The following PEAK1 variants were observed in gnomAD, a reference collection of about 807,000 sequenced individuals.
PEAK1 encodes the protein pseudopodium enriched atypical kinase 1, also known as inactive tyrosine-protein kinase PEAK1.
In PEAK1, 54 loss-of-function variants were observed where a neutral mutation model predicts 124.7. That is an observed-to-expected ratio of 0.43 (90% CI 0.35 to 0.54). PEAK1 has a LOEUF of 0.54. Among genes scored for constraint, PEAK1 ranks in the 20% least tolerant of loss-of-function variants. PEAK1 has a pLI of 0.01. For missense variants in PEAK1, 2,046 were observed against 2,134.5 expected (o/e 0.96, Z 0.82); for synonymous variants, 719 against 760.0 (o/e 0.95, Z 0.89).
chr15:77,353,358 G>A (rs573940014), intron 2 of PEAK1, among the ~76,000 whole-genome samples: 14 of 152,256 alleles, frequency 9.2e-5, no homozygotes, highest in African/African-American at 2.4e-4. Context: ...ATACAGCAAC[G>A]TTGCCAGACA....
chr15:77,399,003 A>G (rs986747275), intron 1 of PEAK1, among the ~76,000 whole-genome samples: 25 of 152,278 alleles, frequency 1.6e-4, no homozygotes, highest in African/African-American at 4.8e-4. Context: ...AAGCAATCCC[A>G]TTTACAATAG....
At chr15:77,166,373 G>C (rs1033364577) in intron 7 of PEAK1, among the ~76,000 whole-genome samples, 33 of 152,224 alleles carry the variant, frequency 2.2e-4, no homozygotes, top group Non-Finnish European at 4.3e-4. Context: ...TTATGTGCCT[G>C]TTTTAAGCCA....
chr15:77,332,121 C>T (rs1376106567), intron 2 of PEAK1: 6 of 863,134 alleles, frequency 7.0e-6, no homozygotes, highest in Non-Finnish European at 8.3e-6. Context: ...AAGACTCCAT[C>T]TCAAAAAAAT....
intron 6 of PEAK1, among the ~76,000 whole-genome samples, chr15:77,202,502 A>G (rs12898812): frequency 0.14 from 20,888 of 151,926 alleles, 1,814 homozygotes; most frequent in African/African-American, 0.24. Context: ...GGTGGCTCAC[A>G]CCTCCTGTAA....
At chr15:77,251,298 C>G (rs960396628) in intron 6 of PEAK1, among the ~76,000 whole-genome samples, 1 of 152,180 alleles carries the variant, frequency 6.6e-6, no homozygotes, top group Non-Finnish European at 1.5e-5. Context: ...GCTTTCTACA[C>G]TACTTGAAAT....
At chr15:77,284,071 G>A (rs540099816) in intron 4 of PEAK1, 41 bp from the exon 5 acceptor site, 2 of 977,908 alleles carry the variant, frequency 2.0e-6, no homozygotes, top group Non-Finnish European at 2.4e-6. Context: ...GAGAGTCACA[G>A]AGTCACTTAG....
chr15:77,327,246 C>T (rs1042879532), intron 2 of PEAK1, among the ~76,000 whole-genome samples: 3 of 152,004 alleles, frequency 2.0e-5, no homozygotes, highest in East Asian at 1.9e-4. Flanking sequence ...TTAATAACTA[C>T]GAAATCAAAT....
At chr15:77,308,517 T>C (rs571039920) in intron 2 of PEAK1, among the ~76,000 whole-genome samples, 6 of 152,240 alleles carry the variant, frequency 3.9e-5, no homozygotes, top group African/African-American at 1.4e-4. Context: ...CAGTTATGTA[T>C]GCTTCTCCCA....
At chr15:77,283,520 C>T (rs1412304207) in intron 5 of PEAK1, among the ~76,000 whole-genome samples, 1 of 151,496 alleles carries the variant, frequency 6.6e-6, no homozygotes. Context: ...ATTTTCTTTC[C>T]AATTAAAAAA....
chr15:77,361,975 A>G (rs1156863215), intron 2 of PEAK1, among the ~76,000 whole-genome samples: 2 of 152,184 alleles, frequency 1.3e-5, no homozygotes, highest in African/African-American at 4.8e-5. Flanking sequence ...AAAATAAGCC[A>G]GAAACAAAAA....
intron 2 of PEAK1, chr15:77,337,969 C>T: frequency 2.0e-6 from 2 of 984,300 alleles, no homozygotes; most frequent in Middle Eastern, 5.2e-4. Context: ...GAAGTACCAT[C>T]ATACCACTTT....
Position 77,159,427 on chromosome 15 carries a change from T to C in PEAK1, c.3138-731A>G, listed in dbSNP as rs1340309839. Among the ~76,000 whole-genome samples, 8 of 152,346 alleles carry C rather than the reference T, an allele frequency of 5.3e-5. No individual in the cohort carries two copies. In the South Asian group the frequency reaches 1.0e-3, roughly 20 times the overall value. On this transcript the variant is annotated intron_variant, in intron 7 of 9. Transcript: ENST00000682557. ...TTACCATTGCCTGCTCATATGCTTA[T>C]AGCTACTTCTTCCCATCTTCCCCAC...
At chr15:77,272,224 A>C (rs540746209) in intron 5 of PEAK1, among the ~76,000 whole-genome samples, 1 of 152,288 alleles carries the variant, frequency 6.6e-6, no homozygotes, top group African/African-American at 2.4e-5. Flanking sequence ...GAACAAACCA[A>C]ACCCAAGCCC....
chr15:77,124,587 TTTTCC>T (rs2052212368), intron 9 of PEAK1, among the ~76,000 whole-genome samples: 1 of 152,350 alleles, frequency 6.6e-6, no homozygotes, highest in South Asian at 2.1e-4. Flanking sequence ...CTGCCCCTTC[TTTTCC>T]TTTGCCTTAC....
intron 6 of PEAK1, among the ~76,000 whole-genome samples, chr15:77,238,877 A>G (rs1231741739): frequency 6.6e-6 from 1 of 152,260 alleles, no homozygotes; most frequent in Non-Finnish European, 1.5e-5. Context: ...GAGGCTAGAC[A>G]TAAAGAATCC....
chr15:77,146,335 A>C (rs2054173687), intron 8 of PEAK1, among the ~76,000 whole-genome samples: 2 of 152,234 alleles, frequency 1.3e-5, no homozygotes, highest in Admixed American at 6.5e-5. Context: ...CTTCATGCCA[A>C]ACAATAAAAC....
At chr15:77,397,119 C>G (rs546033422) in intron 1 of PEAK1, among the ~76,000 whole-genome samples, 6 of 152,188 alleles carry the variant, frequency 3.9e-5, no homozygotes, top group African/African-American at 1.2e-4. Context: ...TCTTATCTGA[C>G]CACAATGGGA....
intron 6 of PEAK1, among the ~76,000 whole-genome samples, chr15:77,209,082 G>C (rs1217777885): frequency 6.6e-6 from 1 of 152,048 alleles, no homozygotes. Flanking sequence ...CTGGCATAAT[G>C]GAAAGCCAGG....
intron 1 of PEAK1, among the ~76,000 whole-genome samples, chr15:77,375,356 G>A (rs1015626637): frequency 1.6e-4 from 24 of 152,124 alleles, no homozygotes; most frequent in Non-Finnish European, 2.9e-5. Context: ...CAGCCTCTGT[G>A]CTGGCCACTA....
Sources: gnomAD v4.1 joint callset for allele counts (sites outside exome capture counted in the v4.1 genomes callset) on GRCh38, gnomAD v4.1.1 for gene constraint, MANE v1.5 for transcripts, NCBI Gene and HGNC (gene_info 2026-07-23, HGNC 2026-07-21) for gene names.